CCDC85A: variants seen among roughly 807,000 people sequenced by gnomAD.
CCDC85A encodes the protein coiled-coil domain containing 85A, also known as coiled-coil domain-containing protein 85A.
A neutral mutation model predicts 50.2 loss-of-function variants in CCDC85A; 38 were observed. The observed-to-expected ratio is 0.76, with a 90% CI of 0.58 to 0.99. The LOEUF is 0.99. Ranked by LOEUF, CCDC85A falls within the 50% of genes least tolerant of loss-of-function variation. The pLI is 0.00. For synonymous variants in CCDC85A, 366 were observed against 301.4 expected (o/e 1.21, Z -2.22); for missense variants, 820 against 742.0 (o/e 1.11, Z -1.22).
intron 2 of CCDC85A, among the ~76,000 whole-genome samples, chr2:56,276,774 A>C (rs1343678125): frequency 6.6e-6 from 1 of 152,152 alleles, no homozygotes; most frequent in African/African-American, 2.4e-5. Flanking sequence ...TTTGGGGTAC[A>C]AGTGCAGGTT....
chr2:56,184,561 G>T lies in CCDC85A; in HGVS notation c.-64G>T. 1 of 1,357,294 alleles carries T rather than the reference G, an allele frequency of 7.4e-7. No individual in the cohort carries two copies. Among genetic ancestry groups the T allele is most frequent in the South Asian group, 1.8e-5 (1 of 56,122 alleles). 84.1% of individuals were successfully genotyped at this position (1,357,294 alleles called of 1,614,324 possible). A position where few individuals can be genotyped will look rare whatever the true frequency, so the allele number is the denominator to read the frequency against. The stretch of plus-strand genomic sequence containing the variant: ...GTGTGGGCGGAGGCGGCCTCGCCGC[G>T]CCCGCGCCTTCGGGAGTCGCCTCGC... On this transcript the variant is annotated 5_prime_UTR_variant, in exon 1 of 6. Transcript: ENST00000407595.
intron 2 of CCDC85A, among the ~76,000 whole-genome samples, chr2:56,299,245 G>T (rs1250344551): frequency 6.6e-6 from 1 of 152,160 alleles, no homozygotes; most frequent in Non-Finnish European, 1.5e-5. Context: ...GATAACTGCA[G>T]CAATATTCTT....
intron 2 of CCDC85A, among the ~76,000 whole-genome samples, chr2:56,330,703 A>G (rs1312121443): frequency 2.0e-5 from 3 of 152,316 alleles, no homozygotes; most frequent in Admixed American, 1.3e-4. Flanking sequence ...ATAACGGCAC[A>G]TATGTGACAA....
intron 3 of CCDC85A, among the ~76,000 whole-genome samples, chr2:56,366,163 G>A (rs188345302): frequency 1.2e-3 from 188 of 152,204 alleles, no homozygotes; most frequent in Middle Eastern, 3.4e-3. Context: ...TCCATTCATG[G>A]ACACTTAGGT....
intron 3 of CCDC85A, among the ~76,000 whole-genome samples, chr2:56,351,634 G>T (rs1376722663): frequency 6.9e-6 from 1 of 144,630 alleles, no homozygotes; most frequent in Non-Finnish European, 1.5e-5. Context: ...GTGTTTTTTG[G>T]CTGCATAAAT....
At chr2:56,295,949 C>G (rs1403647093) in intron 2 of CCDC85A, among the ~76,000 whole-genome samples, 1 of 152,180 alleles carries the variant, frequency 6.6e-6, no homozygotes, top group Non-Finnish European at 1.5e-5. Context: ...TTTTCTACGA[C>G]TTTCTAATTA....
intron 2 of CCDC85A, 51 bp downstream of exon 2, chr2:56,193,491 A>T: frequency 6.6e-7 from 1 of 1,511,680 alleles, no homozygotes; most frequent in South Asian, 1.3e-5. Flanking sequence ...CTCAGTAGAG[A>T]GTTACGAATG....
In CCDC85A at chr2:56,192,751, G is replaced by T; in HGVS notation, c.551G>T (p.Arg184Leu). 1 of 1,613,046 alleles carries T rather than the reference G, an allele frequency of 6.2e-7. No individual in the cohort carries two copies. Among genetic ancestry groups the T allele is most frequent in the Non-Finnish European group, 8.5e-7 (1 of 1,179,650 alleles). ...EEKGAGCAGS[R>L]CSIDSQASLC... ...AAGGGTGCAGGCTGCGCAGGCAGCC[G>T]CTGCTCCATCGACAGCCAGGCCAGC... Residue 184 changes from arginine (R) to leucine (L), a missense_variant, in exon 2 of 6, where the codon CGC becomes CTC. Transcript: ENST00000407595. This position sits in a 1 kb window ranked among gnomAD's most constrained non-coding sequence, Gnocchi z 4.7.
At chr2:56,261,023 A>T (rs541122216) in intron 2 of CCDC85A, among the ~76,000 whole-genome samples, 5 of 152,344 alleles carry the variant, frequency 3.3e-5, no homozygotes, top group African/African-American at 1.2e-4. Context: ...AAACTGTCTG[A>T]TTTAGTAATG....
At chr2:56,306,676 C>T (rs1300186904) in intron 2 of CCDC85A, among the ~76,000 whole-genome samples, 7 of 152,054 alleles carry the variant, frequency 4.6e-5, no homozygotes, top group African/African-American at 1.4e-4. Context: ...ATACTATTTG[C>T]AACTGGAGAT....
At chr2:56,194,415 A>C (rs979583314) in intron 2 of CCDC85A, among the ~76,000 whole-genome samples, 8 of 152,214 alleles carry the variant, frequency 5.3e-5, no homozygotes, top group Admixed American at 2.6e-4. Context: ...GTTGAGTTGG[A>C]TCTAAAACGA....
At chr2:56,252,353 C>G (rs1451404897) in intron 2 of CCDC85A, among the ~76,000 whole-genome samples, 1 of 152,082 alleles carries the variant, frequency 6.6e-6, no homozygotes, top group Non-Finnish European at 1.5e-5. Flanking sequence ...ACCTCATCAA[C>G]TATTTTTTAA....
intron 2 of CCDC85A, among the ~76,000 whole-genome samples, chr2:56,206,268 A>G (rs1389256086): frequency 2.6e-5 from 4 of 152,216 alleles, no homozygotes; most frequent in Admixed American, 2.0e-4. Flanking sequence ...GTGGACAAGG[A>G]AGGCTATTAG....
intron 4 of CCDC85A, among the ~76,000 whole-genome samples, chr2:56,374,558 T>C (rs1573367558): frequency 6.6e-6 from 1 of 152,118 alleles, no homozygotes; most frequent in Non-Finnish European, 1.5e-5. Flanking sequence ...CCTGTAATCC[T>C]AGCACTTTGG....
chr2:56,364,493 T>G (rs1371886378), intron 3 of CCDC85A, among the ~76,000 whole-genome samples: 1 of 152,326 alleles, frequency 6.6e-6, no homozygotes, highest in South Asian at 2.1e-4. Context: ...TCATTTTAAA[T>G]TTAAATGTTT....
chr2:56,381,279 A>G (rs1573379902), intron 5 of CCDC85A, among the ~76,000 whole-genome samples: 1 of 152,222 alleles, frequency 6.6e-6, no homozygotes, highest in South Asian at 2.1e-4. Flanking sequence ...TTCAATTTGA[A>G]TATTTCCCTC....
chr2:56,346,596 C>A (rs1674643716), intron 3 of CCDC85A, among the ~76,000 whole-genome samples: 1 of 152,104 alleles, frequency 6.6e-6, no homozygotes, highest in Non-Finnish European at 1.5e-5. Context: ...TATTTTAAAC[C>A]CAGTTTGTGA....
At chr2:56,362,091 G>T (rs906544463) in intron 3 of CCDC85A, among the ~76,000 whole-genome samples, 3 of 152,166 alleles carry the variant, frequency 2.0e-5, no homozygotes, top group Non-Finnish European at 2.9e-5. Flanking sequence ...GGCTTCATAG[G>T]TTGGGCACTG....
chr2:56,350,646 C>T (rs1446967500), intron 3 of CCDC85A, among the ~76,000 whole-genome samples: 1 of 151,834 alleles, frequency 6.6e-6, no homozygotes. Context: ...GTAGAGCAGT[C>T]TTACTTTGAT....
Sources: allele counts gnomAD v4.1 joint callset (sites outside exome capture counted in the v4.1 genomes callset), GRCh38; gene constraint gnomAD v4.1.1; non-coding constraint Gnocchi (gnomAD v3.1); transcripts MANE v1.5; gene names NCBI Gene and HGNC (gene_info 2026-07-23, HGNC 2026-07-21).